The following SULT2B1 variants were observed in gnomAD, a reference collection of about 807,000 sequenced individuals.
SULT2B1 encodes sulfotransferase 2B1.
A neutral mutation model predicts 33.2 loss-of-function variants in SULT2B1; 16 were observed. The ratio of observed to expected loss-of-function variants is 0.48; its 90% CI spans 0.33 to 0.73. The LOEUF (loss-of-function observed/expected upper bound fraction) is 0.73. SULT2B1 is among the 30% of genes least tolerant of loss of function. SULT2B1 has a pLI of 0.02. For synonymous variants in SULT2B1, 186 were observed against 200.5 expected (o/e 0.93, Z 0.61); for missense variants, 500 against 506.0 (o/e 0.99, Z 0.11).
intron 2 of SULT2B1, among the ~76,000 whole-genome samples, chr19:48,583,203 A>G (rs1253192188): frequency 6.6e-6 from 1 of 152,018 alleles, no homozygotes; most frequent in Non-Finnish European, 1.5e-5. Context: ...TGTGGCAAGG[A>G]TGTTGAGAAA....
chr19:48,579,726 C>T lies in SULT2B1; in HGVS notation c.214+3643C>T, dbSNP rs528428032. ...GGTTCAAGCGATTCTCCTGCCTCAG[C>T]CTCCTGAGTAGTTGGAATTACAGGC... On this transcript the variant is annotated intron_variant, in intron 2 of 6. Transcript: ENST00000201586. Among the ~76,000 whole-genome samples the T allele has an allele frequency of 7.2e-3, 1,089 of 151,354 alleles. 17 individuals carry two copies. The highest frequency in any genetic ancestry group is 0.024 in the African/African-American group (1,005 of 41,220).
At chr19:48,571,194 TA>T (rs1474953932) in intron 1 of SULT2B1, among the ~76,000 whole-genome samples, 1 of 80,670 alleles carries the variant, frequency 1.2e-5, no homozygotes, top group African/African-American at 6.0e-5. Context: ...CTAATTTATT[TA>T]TTTATTTATT....
intron 1 of SULT2B1, among the ~76,000 whole-genome samples, chr19:48,556,756 G>C (rs1008424712): frequency 1.3e-5 from 2 of 151,876 alleles, no homozygotes; most frequent in African/African-American, 4.8e-5. Context: ...TTCAAGACCA[G>C]CCTGGCCAAC....
chr19:48,591,601 G>T lies in SULT2B1; in HGVS notation c.424-8G>T. On this transcript the variant is annotated splice_region_variant and splice_polypyrimidine_tract_variant and intron_variant, in intron 3 of 6. Transcript: ENST00000201586. ...GCCTTCTCCCCTCTCCTCACCATCC[G>T]CACACAGGTGATCTACATGGGCCGC... 6.2e-7 allele frequency: 1 copy of T among 1,608,758 alleles called. No homozygotes were observed. The highest frequency in any genetic ancestry group is 8.5e-7 in the Non-Finnish European group (1 of 1,176,896).
intron 1 of SULT2B1, among the ~76,000 whole-genome samples, chr19:48,567,527 G>A (rs1027085377): frequency 5.3e-5 from 8 of 151,976 alleles, no homozygotes; most frequent in African/African-American, 1.4e-4. Context: ...ATGCCTGGGC[G>A]ACAGAGCGAG....
chr19:48,556,081 C>T (rs558912103), intron 1 of SULT2B1, among the ~76,000 whole-genome samples: 4 of 152,278 alleles, frequency 2.6e-5, no homozygotes, highest in Admixed American at 1.3e-4. Flanking sequence ...TCGCCACTTT[C>T]GGGACTTTGC....
rs143204665 is a variant in SULT2B1, at chr19:48,587,474, G to A, written c.423+37G>A. On this transcript the variant is annotated intron_variant, in intron 3 of 6. Coordinates refer to ENST00000201586, the MANE Select transcript of SULT2B1 (RefSeq NM_177973.2). ...GGGTGTGTGTCAGTTGGGAGGGGCT[G>A]CATGGGTGTATGGGGTAATGGGGGG... The A allele has an allele frequency of 1.9e-5, 31 of 1,608,082 alleles. No individual in the cohort carries two copies. In the East Asian group the frequency reaches 5.8e-4, roughly 30 times the overall value.
chr19:48,563,505 G>C (rs1973205528), intron 1 of SULT2B1, among the ~76,000 whole-genome samples: 1 of 152,162 alleles, frequency 6.6e-6, no homozygotes, highest in Admixed American at 6.6e-5. Flanking sequence ...CACAGACACG[G>C]AAAATGTCAG....
chr19:48,589,988 T>TC (rs1193996834), intron 3 of SULT2B1, among the ~76,000 whole-genome samples: 1 of 152,102 alleles, frequency 6.6e-6, no homozygotes, highest in Admixed American at 6.6e-5. Context: ...CTTTCTTTTT[T>TC]CTTTTTTTGA....
At chr19:48,576,865 T>C (rs1011809598) in intron 2 of SULT2B1, among the ~76,000 whole-genome samples, 1 of 150,520 alleles carries the variant, frequency 6.6e-6, no homozygotes. Context: ...GGTCTTGAAC[T>C]CCTGGGCTCA....
At chr19:48,582,436 G>C (rs1973504865) in intron 2 of SULT2B1, among the ~76,000 whole-genome samples, 1 of 152,020 alleles carries the variant, frequency 6.6e-6, no homozygotes. Context: ...TGCAGTACTT[G>C]GCATTGAACA....
At chr19:48,569,361 A>ATAT (rs1306751025) in intron 1 of SULT2B1, among the ~76,000 whole-genome samples, 14 of 9,962 alleles carry the variant, frequency 1.4e-3, no homozygotes, top group African/African-American at 6.3e-3. Context: ...AAAAAAAAAA[A>ATAT]ACATATATAT....
intron 1 of SULT2B1, among the ~76,000 whole-genome samples, chr19:48,570,443 T>C (rs139094268): frequency 0.016 from 2,419 of 152,068 alleles, no homozygotes; most frequent in African/African-American, 0.054. Flanking sequence ...CCTCCCAAAG[T>C]ACTGGGATTA....
intron 1 of SULT2B1, 104 bp from the exon 2 acceptor site, chr19:48,575,837 T>C: frequency 6.5e-7 from 1 of 1,528,106 alleles, no homozygotes; most frequent in Non-Finnish European, 8.8e-7. Flanking sequence ...GGACTGAGGC[T>C]CTGAGGAGGA....
In SULT2B1 at chr19:48,572,485, G is replaced by A. The variant is rs376238611; in HGVS notation, c.72-3456G>A. On this transcript the variant is annotated intron_variant, in intron 1 of 6. Coordinates refer to ENST00000201586, the MANE Select transcript of SULT2B1 (RefSeq NM_177973.2). ...GCTGAGATCACACCACTACACTATA[G>A]CCTGGGCAACAGAGCAAGACTCCAT... Among the ~76,000 whole-genome samples, 30 of 151,614 alleles carry A rather than the reference G, an allele frequency of 2.0e-4. No homozygotes were observed. In the East Asian group the frequency reaches 5.6e-3, roughly 28 times the overall value.
chr19:48,577,390 G>A (rs180833716), intron 2 of SULT2B1, among the ~76,000 whole-genome samples: 26 of 60,258 alleles, frequency 4.3e-4, no homozygotes, highest in African/African-American at 8.7e-4. Context: ...TTTAGAGACA[G>A]AGTCTTGCTC....
At chr19:48,578,255 G>A (rs74331737) in intron 2 of SULT2B1, among the ~76,000 whole-genome samples, 3,614 of 152,092 alleles carry the variant, frequency 0.024, 131 homozygotes, top group African/African-American at 0.08. Flanking sequence ...TGCCATGTGC[G>A]TGGAGCTGGT....
chr19:48,553,967 G>A (rs927517113), intron 1 of SULT2B1, among the ~76,000 whole-genome samples: 1 of 147,534 alleles, frequency 6.8e-6, no homozygotes, highest in Non-Finnish European at 1.5e-5. Context: ...AGGCACCTGG[G>A]AGCCTTTTTT....
intron 2 of SULT2B1, among the ~76,000 whole-genome samples, chr19:48,584,029 T>A (rs986317652): frequency 6.6e-6 from 1 of 151,814 alleles, no homozygotes; most frequent in Non-Finnish European, 1.5e-5. Flanking sequence ...GGAGAATCAC[T>A]TGAACCCGGG....
Sources: gnomAD v4.1 joint callset for allele counts (sites outside exome capture counted in the v4.1 genomes callset) on GRCh38, gnomAD v4.1.1 for gene constraint, MANE v1.5 for transcripts, NCBI Gene and HGNC (gene_info 2026-07-23, HGNC 2026-07-21) for gene names.